Variants in NAA16 observed in about 807,000 individuals in gnomAD.
NAA16 encodes the protein NARG1-like protein.
NAA16 carries 97 observed loss-of-function variants against 110.3 expected under a neutral mutation model. The ratio of observed to expected loss-of-function variants is 0.88; its 90% confidence interval spans 0.75 to 1.04. The LOEUF (loss-of-function observed/expected upper bound fraction) is 1.04. NAA16 is among the 50% of genes least tolerant of loss of function. NAA16 has a pLI of 0.00. For synonymous variants in NAA16, 372 were observed against 330.6 expected (o/e 1.13, Z -1.36); for missense variants, 1,017 against 1,005.1 (o/e 1.01, Z -0.16).
chr13:41,356,038 A>G (rs2042973387), intron 10 of NAA16, among the ~76,000 whole-genome samples: 1 of 152,070 alleles, frequency 6.6e-6, no homozygotes, highest in Admixed American at 6.5e-5. Context: ...TTTTTAAGAG[A>G]GGGGATCTCA....
Position 41,376,996 on chromosome 13 carries a change from A to G in NAA16, c.*1394A>G, listed in dbSNP as rs1044292435. 1.3e-5 allele frequency: 2 copies of G among 152,166 alleles called. No individual in the cohort carries two copies. The highest frequency in any genetic ancestry group is 2.9e-5 in the Non-Finnish European group (2 of 68,012). The allele number at this position is 152,166 out of a possible 1,614,324, so 9.4% of individuals were successfully genotyped here. A position where few individuals can be genotyped will look rare whatever the true frequency, so the allele number is the denominator to read the frequency against. The stretch of plus-strand genomic sequence containing the variant: ...ACTCGCTGTAAAATAATGCCAACCT[A>G]GATAATGCTATAATAAATTATTTTG... On this transcript the variant is annotated 3_prime_UTR_variant, in exon 20 of 20. Coordinates refer to ENST00000379406, the MANE Select transcript of NAA16 (RefSeq NM_024561.5).
At chr13:41,316,549 C>T (rs966512881) in intron 1 of NAA16, among the ~76,000 whole-genome samples, 4 of 152,146 alleles carry the variant, frequency 2.6e-5, no homozygotes, top group African/African-American at 9.7e-5. Context: ...AAGCGATCCG[C>T]CCACCTTTGC....
chr13:41,339,462 C>T (rs1350991686), intron 9 of NAA16, among the ~76,000 whole-genome samples: 1 of 152,020 alleles, frequency 6.6e-6, no homozygotes, highest in Non-Finnish European at 1.5e-5. Flanking sequence ...TAAATGTCTC[C>T]AGCATTTAAA....
intron 1 of NAA16, among the ~76,000 whole-genome samples, chr13:41,313,975 GC>G: frequency 6.6e-6 from 1 of 151,758 alleles, no homozygotes. Context: ...TCGTGCCTCA[GC>G]CTCCTGAGTA....
Position 41,328,735 on chromosome 13 carries a change from T to C in NAA16, c.703T>C (p.Leu235=). 6.2e-7 allele frequency: 1 copy of C among 1,606,084 alleles called. No homozygotes were observed. ...AAACTTAATTTCAGGGGAAATACTG[T>C]TGAAATTGGGAAGATTAAAAGAAGC... ...LVEEIKGEIL[L]KLGRLKEASE... is the part of the protein sequence containing the mutation. Residue 235 remains leucine (L), a synonymous_variant, in exon 7 of 20, where the codon TTG becomes CTG. Coordinates refer to ENST00000379406, the MANE Select transcript of NAA16 (RefSeq NM_024561.5).
At chr13:41,332,088 C>G (rs1351915354) in intron 8 of NAA16, among the ~76,000 whole-genome samples, 1 of 152,060 alleles carries the variant, frequency 6.6e-6, no homozygotes, top group Non-Finnish European at 1.5e-5. Context: ...GAGACAAGAT[C>G]TTGCTCTGTT....
At chr13:41,312,244 C>G (rs2041630559) in intron 1 of NAA16, among the ~76,000 whole-genome samples, 1 of 152,184 alleles carries the variant, frequency 6.6e-6, no homozygotes, top group African/African-American at 2.4e-5. Flanking sequence ...CAGCTGTTTG[C>G]TTTTTAGTCG....
chr13:41,341,337 A>AT (rs1211154109), intron 9 of NAA16, among the ~76,000 whole-genome samples: 10 of 152,216 alleles, frequency 6.6e-5, no homozygotes, highest in Non-Finnish European at 5.9e-5. Flanking sequence ...CTCATTGAAA[A>AT]TATCAGTTGT....
intron 13 of NAA16, among the ~76,000 whole-genome samples, chr13:41,365,622 A>G (rs1329176727): frequency 6.6e-6 from 1 of 152,172 alleles, no homozygotes; most frequent in Non-Finnish European, 1.5e-5. Context: ...TTAACAAGCC[A>G]GGTTTGCTTG....
chr13:41,329,117 A>C (rs1449741713), intron 7 of NAA16, among the ~76,000 whole-genome samples: 1 of 152,042 alleles, frequency 6.6e-6, no homozygotes, highest in Non-Finnish European at 1.5e-5. Flanking sequence ...AACAAAAAAA[A>C]CCATACCAAT....
rs146629602 is a variant in NAA16 at position 41,348,811 on chromosome 13, T to A, written c.1015-6333T>A. ...TTTCTTTGTGGGTAGTTTTTTATTA[T>A]GTATTCAAACTCTTCATTACTGGTT... is the stretch of plus-strand genomic sequence containing the variant. On this transcript the variant is annotated intron_variant, in intron 9 of 19. Transcript: ENST00000379406. Among the ~76,000 whole-genome samples the A allele has an allele frequency of 3.8e-4, 58 of 152,316 alleles. No homozygotes were observed. The East Asian group carries it at 8.5e-3, about 22-fold the overall frequency.
At chr13:41,319,922 G>A (rs1307622033) in intron 3 of NAA16, among the ~76,000 whole-genome samples, 2 of 144,676 alleles carry the variant, frequency 1.4e-5, no homozygotes, top group African/African-American at 5.2e-5. Context: ...TATTGCCCTT[G>A]CATTTTAGTT....
chr13:41,335,748 A>T (rs753297311), intron 8 of NAA16, among the ~76,000 whole-genome samples: 1 of 152,228 alleles, frequency 6.6e-6, no homozygotes, highest in African/African-American at 2.4e-5. Flanking sequence ...AAATAAAAAT[A>T]ACCATTTTGG....
At position 41,367,635 on chromosome 13, in the gene NAA16, A is replaced by G; in HGVS notation, c.1736A>G (p.Gln579Arg). The change falls in exon 14 of 20, where the codon CAA becomes CGA. Residue 579 changes from glutamine to arginine, a missense_variant. Coordinates refer to ENST00000379406, the MANE Select transcript of NAA16 (RefSeq NM_024561.5). ...YDNPLTNESK[Q>R]QEINSENLSA... is the part of the protein sequence containing the mutation. ...AATCCCTTAACCAATGAAAGCAAAC[A>G]ACAAGAAATAAACTCAGGTAACTGA... The G allele has an allele frequency of 6.2e-7, 1 of 1,606,274 alleles. No homozygotes were observed. The highest frequency in any genetic ancestry group is 8.5e-7 in the Non-Finnish European group (1 of 1,175,590).
chr13:41,367,021 G>C (rs2043220535), intron 13 of NAA16, among the ~76,000 whole-genome samples: 1 of 152,128 alleles, frequency 6.6e-6, no homozygotes, highest in Non-Finnish European at 1.5e-5. Context: ...AGAGCAGTCA[G>C]ATTTGTAAAT....
intron 18 of NAA16, 46 bp from the exon 19 acceptor site, chr13:41,374,696 G>A (rs766554087): frequency 1.6e-6 from 2 of 1,241,160 alleles, no homozygotes; most frequent in East Asian, 2.3e-5. Flanking sequence ...CACATAAAAT[G>A]TAAAGTATAG....
At chr13:41,374,332 T>TAAAA (rs1459032555) in intron 18 of NAA16, 137 of 154,982 alleles carry the variant, frequency 8.8e-4, no homozygotes, top group African/African-American at 3.1e-3. Context: ...ATTTATTCCT[T>TAAAA]AGATGTTTTA....
At position 41,349,190 on chromosome 13, in the gene NAA16, T is replaced by A. The variant is rs75578099; in HGVS notation, c.1015-5954T>A. 3.5e-3 allele frequency among the ~76,000 whole-genome samples: 538 copies of A among 152,250 alleles called. 1 individual carries two copies. Among genetic ancestry groups the A allele is most frequent in the African/African-American group, 0.012 (488 of 41,532 alleles). On this transcript the variant is annotated intron_variant, in intron 9 of 19. Coordinates refer to ENST00000379406, the MANE Select transcript of NAA16 (RefSeq NM_024561.5). ...CTAATTTTTTTTTCTTTTTCTTTTT[T>A]AAATCTTTGTTTAGAGACTGGGTCT...
intron 6 of NAA16, among the ~76,000 whole-genome samples, chr13:41,328,344 GAT>G: frequency 6.6e-6 from 1 of 152,080 alleles, no homozygotes; most frequent in Admixed American, 6.6e-5. Context: ...TGATAGGAAA[GAT>G]ATATTTAAAT....
Sources: gnomAD v4.1 joint callset for allele counts (sites outside exome capture counted in the v4.1 genomes callset) on GRCh38, gnomAD v4.1.1 for gene constraint, MANE v1.5 for transcripts, NCBI Gene and HGNC (gene_info 2026-07-23, HGNC 2026-07-21) for gene names.